Variants in NTNG1 observed in about 807,000 individuals in gnomAD.
The protein encoded by NTNG1 is netrin G1.
In NTNG1, 16 loss-of-function variants were observed where a neutral mutation model predicts 54.0. That is an observed-to-expected ratio of 0.30 (90% CI 0.20 to 0.45). The LOEUF is 0.45. Ranked by LOEUF, NTNG1 falls within the 20% of genes least tolerant of loss-of-function variation. NTNG1 has a pLI of 1.00. For synonymous variants in NTNG1, 255 were observed against 263.1 expected (o/e 0.97, Z 0.30); for missense variants, 530 against 678.7 (o/e 0.78, Z 2.43).
chr1:107,141,689 C>A (rs1227392445), intron 1 of NTNG1, among the ~76,000 whole-genome samples: 2 of 152,178 alleles, frequency 1.3e-5, no homozygotes, highest in African/African-American at 4.8e-5. Context: ...CACAAGTCTT[C>A]CCGGGGGTGC....
At chr1:107,180,044 A>G (rs1052225231) in intron 2 of NTNG1, among the ~76,000 whole-genome samples, 13 of 152,288 alleles carry the variant, frequency 8.5e-5, no homozygotes, top group African/African-American at 2.6e-4. Flanking sequence ...CTTGCTTCCT[A>G]CATACCAGAG....
intron 7 of NTNG1, among the ~76,000 whole-genome samples, chr1:107,475,466 G>T (rs1412573747): frequency 3.9e-5 from 6 of 152,030 alleles, no homozygotes; most frequent in Admixed American, 3.9e-4. Flanking sequence ...GGTGCTTTTT[G>T]TTCCTCTCAC....
intron 6 of NTNG1, among the ~76,000 whole-genome samples, chr1:107,434,839 G>A (rs905707912): frequency 1.3e-5 from 2 of 151,998 alleles, no homozygotes; most frequent in African/African-American, 4.8e-5. Flanking sequence ...ATCCACCATT[G>A]ACCATCATTC....
At chr1:107,464,691 G>C (rs950635917) in intron 7 of NTNG1, among the ~76,000 whole-genome samples, 1 of 152,158 alleles carries the variant, frequency 6.6e-6, no homozygotes, top group African/African-American at 2.4e-5. Flanking sequence ...GCAGGTCTTA[G>C]CTTCAGCCTC....
intron 2 of NTNG1, among the ~76,000 whole-genome samples, chr1:107,276,693 A>G (rs1198350483): frequency 2.6e-5 from 4 of 152,102 alleles, no homozygotes; most frequent in African/African-American, 9.7e-5. Flanking sequence ...TTAAGCACCT[A>G]GTACTCTACC....
In NTNG1 at chr1:107,481,787, A is replaced by C. The variant is rs1302947928; in HGVS notation, c.*947A>C. 1 of 152,616 alleles carries C rather than the reference A, an allele frequency of 6.6e-6. No homozygotes were observed. The highest frequency in any genetic ancestry group is 1.5e-5 in the Non-Finnish European group (1 of 68,038). 9.5% of individuals were successfully genotyped at this position (152,616 alleles called of 1,614,324 possible). A position where few individuals can be genotyped will look rare whatever the true frequency, so the allele number is the denominator to read the frequency against. ...AAGTGTAATAAGATTCCACCAAAGGACATTCTAAATGTTTTCTTGTTGCTT... is the reference window on the plus strand; with the variant it reads ...AAGTGTAATAAGATTCCACCAAAGGCCATTCTAAATGTTTTCTTGTTGCTT... On this transcript the variant is annotated 3_prime_UTR_variant, in exon 8 of 8. Coordinates refer to ENST00000370068, the MANE Select transcript of NTNG1 (RefSeq NM_001113226.3).
At chr1:107,366,296 A>G (rs1186723466) in intron 3 of NTNG1, among the ~76,000 whole-genome samples, 1 of 152,200 alleles carries the variant, frequency 6.6e-6, no homozygotes, top group African/African-American at 2.4e-5. Context: ...AATACTACCT[A>G]CAAATATAGA....
chr1:107,308,648 T>A (rs1475535842), intron 2 of NTNG1, among the ~76,000 whole-genome samples: 1 of 152,218 alleles, frequency 6.6e-6, no homozygotes. Flanking sequence ...GTTCTTTTGG[T>A]TCCAAATGAA....
intron 2 of NTNG1, among the ~76,000 whole-genome samples, chr1:107,159,349 G>A (rs1351299678): frequency 6.6e-6 from 1 of 152,244 alleles, no homozygotes; most frequent in Non-Finnish European, 1.5e-5. Context: ...TTATAGTGCC[G>A]AGCATGGTGT....
At chr1:107,361,914 A>G (rs1401990857) in intron 3 of NTNG1, among the ~76,000 whole-genome samples, 1 of 152,156 alleles carries the variant, frequency 6.6e-6, no homozygotes, top group African/African-American at 2.4e-5. Flanking sequence ...TATTTTGTAG[A>G]ATCTTAGAGC....
chr1:107,141,615 C>T (rs547900013), intron 1 of NTNG1, among the ~76,000 whole-genome samples: 1 of 152,120 alleles, frequency 6.6e-6, no homozygotes, highest in East Asian at 1.9e-4. Context: ...CTTTGTAAAG[C>T]GCCCCGAGGA....
intron 2 of NTNG1, among the ~76,000 whole-genome samples, chr1:107,219,824 G>A (rs912332277): frequency 1.3e-5 from 2 of 152,126 alleles, no homozygotes; most frequent in African/African-American, 4.8e-5. Context: ...ACTCTGTGAG[G>A]GTCCTTGGTA....
At chr1:107,212,134 G>A (rs1659637024) in intron 2 of NTNG1, among the ~76,000 whole-genome samples, 2 of 152,162 alleles carry the variant, frequency 1.3e-5, no homozygotes, top group African/African-American at 2.4e-5. Flanking sequence ...GAAGGTGTAG[G>A]GGAGTTGGTC....
In NTNG1 at chr1:107,230,072, A is replaced by C. The variant is rs1340059576; in HGVS notation, c.246+81233A>C. On this transcript the variant is annotated intron_variant, in intron 2 of 7. Transcript: ENST00000370068. Reference sequence around the variant, plus strand: ...TCACTGAGGCAAAATATGGAAGATAAATTGAGGAAACTAAGTATTAAATAT... The same window carrying C: ...TCACTGAGGCAAAATATGGAAGATACATTGAGGAAACTAAGTATTAAATAT... Among the ~76,000 whole-genome samples the C allele has an allele frequency of 2.0e-5, 3 of 152,148 alleles. No homozygotes were observed. In the East Asian group the frequency reaches 5.8e-4, roughly 29 times the overall value.
intron 2 of NTNG1, among the ~76,000 whole-genome samples, chr1:107,231,072 A>G (rs1398164881): frequency 2.6e-5 from 4 of 152,196 alleles, no homozygotes; most frequent in Non-Finnish European, 5.9e-5. Context: ...ATGATGAAGT[A>G]CTTGACTGAG....
chr1:107,166,777 A>G (rs1423887288), intron 2 of NTNG1, among the ~76,000 whole-genome samples: 1 of 152,022 alleles, frequency 6.6e-6, no homozygotes, highest in Non-Finnish European at 1.5e-5. Context: ...AACATACCAG[A>G]CCCTTGGATT....
chr1:107,345,993 C>A (rs1669198888), intron 3 of NTNG1, among the ~76,000 whole-genome samples: 4 of 152,170 alleles, frequency 2.6e-5, no homozygotes, highest in South Asian at 2.1e-4. Flanking sequence ...GGTACAGTTA[C>A]ATCAACCAGC....
At chr1:107,405,873 A>C (rs569178042) in intron 4 of NTNG1, among the ~76,000 whole-genome samples, 1 of 152,280 alleles carries the variant, frequency 6.6e-6, no homozygotes, top group Admixed American at 6.5e-5. Context: ...TTTGCAAAAA[A>C]AAATAAAGAT....
intron 2 of NTNG1, among the ~76,000 whole-genome samples, chr1:107,155,480 C>T (rs1255040296): frequency 1.3e-5 from 2 of 152,044 alleles, no homozygotes; most frequent in East Asian, 1.9e-4. Context: ...TCTAGATAGA[C>T]ATATATAGTA....
Sources: gnomAD v4.1 joint callset for allele counts (sites outside exome capture counted in the v4.1 genomes callset) on GRCh38, gnomAD v4.1.1 for gene constraint, MANE v1.5 for transcripts, NCBI Gene and HGNC (gene_info 2026-07-23, HGNC 2026-07-21) for gene names.